The following PLCB4 variants were observed in gnomAD, a reference collection of about 807,000 sequenced individuals.
The protein encoded by PLCB4 is phospholipase C beta 4.
Under a neutral mutation model 178.8 loss-of-function variants are expected in PLCB4, and 77 were observed. The observed-to-expected ratio is 0.43, with a 90% confidence interval of 0.36 to 0.52. The LOEUF is 0.52. Among genes scored for constraint, PLCB4 ranks in the 20% least tolerant of loss-of-function variants. The pLI is 0.00. For synonymous variants in PLCB4, 496 were observed against 490.8 expected (o/e 1.01, Z -0.14); for missense variants, 1,024 against 1,453.4 (o/e 0.70, Z 4.80).
chr20:9,097,696 AT>A (rs1201297092), intron 2 of PLCB4, among the ~76,000 whole-genome samples: 1 of 152,118 alleles, frequency 6.6e-6, no homozygotes, highest in Non-Finnish European at 1.5e-5. Flanking sequence ...TTAATTACCC[AT>A]CCAGCTAGCT....
At chr20:9,277,922 A>G (rs1465149201) in intron 3 of PLCB4, among the ~76,000 whole-genome samples, 1 of 152,010 alleles carries the variant, frequency 6.6e-6, no homozygotes, top group African/African-American at 2.4e-5. Context: ...TTTCCCTTAG[A>G]ATAAACAAAT....
rs149182690 is a variant in PLCB4, at chr20:9,416,488, C to G, written c.2052-3319C>G. On this transcript the variant is annotated intron_variant, in intron 25 of 39. Transcript: ENST00000378473. ...CCTGTGTCATGAAAGCCAGACCCAC[C>G]ATTGTTACCTCCCCTCACAGTCTGT... Among the ~76,000 whole-genome samples the G allele has an allele frequency of 4.1e-3, 631 of 152,318 alleles. 1 individual carries two copies. The highest frequency in any genetic ancestry group is 6.9e-3 in the Non-Finnish European group (472 of 68,026).
At chr20:9,180,954 T>C (rs1195423000) in intron 2 of PLCB4, among the ~76,000 whole-genome samples, 1 of 152,176 alleles carries the variant, frequency 6.6e-6, no homozygotes, top group Non-Finnish European at 1.5e-5. Context: ...ACTGCTACAG[T>C]GAGACTTGTG....
chr20:9,339,108 G>T, intron 7 of PLCB4, 71 bp downstream of exon 7: 1 of 1,140,904 alleles, frequency 8.8e-7, no homozygotes. Flanking sequence ...TTTTATGCGT[G>T]CTATATTTTT....
intron 2 of PLCB4, among the ~76,000 whole-genome samples, chr20:9,145,979 C>T (rs2092591386): frequency 6.6e-6 from 1 of 152,036 alleles, no homozygotes; most frequent in African/African-American, 2.4e-5. Flanking sequence ...GAAGAATTTC[C>T]AGCAGAAGAA....
chr20:9,445,183 G>A (rs1407461918), intron 32 of PLCB4, among the ~76,000 whole-genome samples: 1 of 152,140 alleles, frequency 6.6e-6, no homozygotes, highest in Non-Finnish European at 1.5e-5. Context: ...CACAGGTAAA[G>A]AAGAAAAAGG....
chr20:9,263,937 C>A (rs2094323273), intron 3 of PLCB4, among the ~76,000 whole-genome samples: 1 of 152,108 alleles, frequency 6.6e-6, no homozygotes, highest in South Asian at 2.1e-4. Context: ...TAGTTATTAC[C>A]TTGAGGTTAC....
intron 35 of PLCB4, among the ~76,000 whole-genome samples, chr20:9,462,865 T>C (rs930058820): frequency 1.3e-5 from 2 of 152,162 alleles, no homozygotes; most frequent in African/African-American, 4.8e-5. Context: ...CCAGTAGAAC[T>C]TCCCCAACTT....
In PLCB4 at chr20:9,367,507, C is replaced by A. The variant is rs180880918; in HGVS notation, c.503+1993C>A. On this transcript the variant is annotated intron_variant, in intron 9 of 39. Coordinates refer to ENST00000378473, the MANE Select transcript of PLCB4 (RefSeq NM_001377142.1). Reference sequence around the variant, plus strand: ...AATCCTTTGCTCAGTTGAGTAATAGCAGAACAATTATTTTAATGTATCCCA... The same window carrying A: ...AATCCTTTGCTCAGTTGAGTAATAGAAGAACAATTATTTTAATGTATCCCA... 5.3e-5 allele frequency among the ~76,000 whole-genome samples: 8 copies of A among 152,322 alleles called. No individual in the cohort carries two copies. In the East Asian group the frequency reaches 1.5e-3, roughly 29 times the overall value.
At chr20:9,453,250 T>C in intron 32 of PLCB4, 97 bp from the exon 33 acceptor site, 1 of 702,738 alleles carries the variant, frequency 1.4e-6, no homozygotes, top group South Asian at 1.8e-5. Flanking sequence ...ACTTTCTAAA[T>C]GAAGACTCTA....
chr20:9,199,551 C>T (rs2093516332), intron 2 of PLCB4, among the ~76,000 whole-genome samples: 1 of 152,170 alleles, frequency 6.6e-6, no homozygotes, highest in African/African-American at 2.4e-5. Context: ...ATGGTGGGGA[C>T]ACTGAAATCT....
chr20:9,384,483 A>T (rs2037408428), intron 14 of PLCB4, 72 bp downstream of exon 14: 5 of 1,063,346 alleles, frequency 4.7e-6, no homozygotes, highest in Non-Finnish European at 7.3e-6. Flanking sequence ...TTCTCTGAAA[A>T]ACAGGAAATA....
intron 2 of PLCB4, among the ~76,000 whole-genome samples, chr20:9,216,662 G>A (rs2093736943): frequency 4.7e-5 from 1 of 21,384 alleles, no homozygotes; most frequent in South Asian, 2.0e-3. Context: ...ACCACACTTG[G>A]CTAATTTTTG....
chr20:9,246,204 G>T (rs1269545557), intron 3 of PLCB4, among the ~76,000 whole-genome samples: 1 of 151,784 alleles, frequency 6.6e-6, no homozygotes, highest in African/African-American at 2.4e-5. Flanking sequence ...ACATTTTATT[G>T]TTATTGACAA....
At chr20:9,477,546 G>C (rs1297354119) in intron 39 of PLCB4, among the ~76,000 whole-genome samples, 1 of 152,118 alleles carries the variant, frequency 6.6e-6, no homozygotes, top group East Asian at 1.9e-4. Context: ...AATTTCCAGT[G>C]CTGATAATGT....
chr20:9,353,290 A>G (rs1332058457), intron 7 of PLCB4, among the ~76,000 whole-genome samples: 4 of 152,128 alleles, frequency 2.6e-5, no homozygotes, highest in Non-Finnish European at 5.9e-5. Flanking sequence ...GAAAGTCTTC[A>G]CTGTCTTTTT....
chr20:9,455,540 GGTGT>G lies in PLCB4; in HGVS notation c.2997-1872_2997-1869del, dbSNP rs1171574545. Among the ~76,000 whole-genome samples, 5 of 152,032 alleles carry G rather than the reference GGTGT, an allele frequency of 3.3e-5. No individual in the cohort carries two copies. The South Asian group carries it at 6.2e-4, about 19-fold the overall frequency. On this transcript the variant is annotated intron_variant, in intron 33 of 39. Coordinates refer to ENST00000378473, the MANE Select transcript of PLCB4 (RefSeq NM_001377142.1). ...CTTGGTAATTATTAGAAGTGTCCCT[GGTGT>G]GACACTTAACCCCCCAAACAGGCTA...
At chr20:9,287,770 A>G (rs1208899467) in intron 3 of PLCB4, among the ~76,000 whole-genome samples, 1 of 152,114 alleles carries the variant, frequency 6.6e-6, no homozygotes, top group Non-Finnish European at 1.5e-5. Context: ...TATAAACTGC[A>G]GAAGAGATGG....
chr20:9,461,066 G>A (rs1385143280), intron 35 of PLCB4, among the ~76,000 whole-genome samples: 2 of 152,066 alleles, frequency 1.3e-5, no homozygotes, highest in African/African-American at 2.4e-5. Context: ...CCAGATTTTA[G>A]GTGCCTACCC....
Sources: allele counts gnomAD v4.1 joint callset (sites outside exome capture counted in the v4.1 genomes callset), GRCh38; gene constraint gnomAD v4.1.1; transcripts MANE v1.5; gene names NCBI Gene and HGNC (gene_info 2026-07-23, HGNC 2026-07-21).